Variants in FGD3 observed in about 807,000 individuals in gnomAD.
FGD3 encodes FYVE, RhoGEF and PH domain containing 3, also known as FYVE, RhoGEF and PH domain-containing protein 3.
In FGD3, 45 loss-of-function variants were observed where a neutral mutation model predicts 71.8. The ratio of observed to expected loss-of-function variants is 0.63; its 90% CI spans 0.49 to 0.80. FGD3 has a LOEUF of 0.80. FGD3 is among the 30% of genes least tolerant of loss of function. FGD3 has a pLI of 0.00. For missense variants in FGD3, 844 were observed against 951.5 expected (o/e 0.89, Z 1.49); for synonymous variants, 378 against 392.8 (o/e 0.96, Z 0.44).
intron 1 of FGD3, among the ~76,000 whole-genome samples, chr9:92,953,827 A>G (rs972103698): frequency 1.3e-5 from 2 of 152,216 alleles, no homozygotes; most frequent in Non-Finnish European, 2.9e-5. Context: ...GCAGAATTAC[A>G]CTCAGTATCC....
chr9:93,022,339 A>G lies in FGD3; in HGVS notation c.1507A>G (p.Ser503Gly). ...LSPDMPITST[S>G]PVEPVVTTEG... ...GTGTCCCTTCTAGATCACGAGCACCAGCCCTGTGGAGCCTGTGGTGACCAC... is the reference window on the plus strand; with the variant it reads ...GTGTCCCTTCTAGATCACGAGCACCGGCCCTGTGGAGCCTGTGGTGACCAC... Residue 503 changes from serine to glycine, a missense_variant, in exon 14 of 18, where the codon AGC becomes GGC. Ser to Gly is a moderately conservative substitution (Grantham distance 56). Coordinates refer to ENST00000375482, the MANE Select transcript of FGD3 (RefSeq NM_001083536.2). 1 of 1,612,084 alleles carries G rather than the reference A, an allele frequency of 6.2e-7. No homozygotes were observed. The highest frequency in any genetic ancestry group is 1.3e-5 in the African/African-American group (1 of 75,056).
chr9:92,953,403 G>A (rs999948700), intron 1 of FGD3, among the ~76,000 whole-genome samples: 30 of 152,192 alleles, frequency 2.0e-4, no homozygotes, highest in Admixed American at 7.2e-4. Context: ...ATGCCACTTG[G>A]TCTAAGAGTT....
chr9:92,956,595 C>T (rs1429218644), intron 1 of FGD3, among the ~76,000 whole-genome samples: 1 of 152,280 alleles, frequency 6.6e-6, no homozygotes, highest in East Asian at 1.9e-4. Flanking sequence ...GAAACCAACC[C>T]TGCCAACACC....
chr9:92,989,889 G>GA (rs1415483096), intron 3 of FGD3, among the ~76,000 whole-genome samples: 1 of 99,268 alleles, frequency 1.0e-5, no homozygotes, highest in Admixed American at 9.2e-5. Context: ...GGGGTCCTGT[G>GA]TTTTTTTTTT....
rs1861871651 is a variant in FGD3 at position 93,020,406 on chromosome 9, C to T, written c.1476C>T (p.Ser492=). 6.2e-7 allele frequency: 1 copy of T among 1,613,288 alleles called. No homozygotes were observed. Among genetic ancestry groups the T allele is most frequent in the Admixed American group, 1.7e-5 (1 of 59,936 alleles). The change falls in exon 13 of 18, where the codon AGC becomes AGT. Residue 492 remains serine, a synonymous_variant. Transcript: ENST00000375482. ...GGAFSQDEDP[S]LSPDMPITST... is the part of the protein sequence containing the mutation. ...CCTTCAGCCAGGATGAGGACCCCAG[C>T]CTCTCTCCAGACATGCCTGTGAGTC...
At chr9:93,011,504 A>G (rs1308726030) in intron 8 of FGD3, among the ~76,000 whole-genome samples, 3 of 152,146 alleles carry the variant, frequency 2.0e-5, no homozygotes, top group Admixed American at 6.5e-5. Flanking sequence ...TAGTTTCCCC[A>G]TCTATAAAAT....
At position 93,028,208 on chromosome 9, in the gene FGD3, ACACACACACG is replaced by A. The variant is rs1244902993; in HGVS notation, c.1558-1656_1558-1647del. On this transcript the variant is annotated intron_variant, in intron 14 of 17. Transcript: ENST00000375482. ...CAGCCCCTAGCCCCGACACACACAC[ACACACACACG>A]CACACACACACACACACACCCCAAT... Among the ~76,000 whole-genome samples, 232 of 103,396 alleles carry A rather than the reference ACACACACACG, an allele frequency of 2.2e-3. 1 individual carries two copies. The highest frequency in any genetic ancestry group is 0.01 in the African/African-American group (225 of 21,748). The allele number at this position is 103,396 out of a possible 152,430, so 67.8% of individuals were successfully genotyped here.
At chr9:92,965,192 G>A (rs1241194588) in intron 1 of FGD3, among the ~76,000 whole-genome samples, 1 of 152,220 alleles carries the variant, frequency 6.6e-6, no homozygotes, top group Non-Finnish European at 1.5e-5. Context: ...ACACAGCATG[G>A]CCACACTCAT....
intron 15 of FGD3, among the ~76,000 whole-genome samples, chr9:93,031,986 A>C (rs533065136): frequency 1.3e-5 from 2 of 152,196 alleles, no homozygotes; most frequent in East Asian, 3.9e-4. Flanking sequence ...AGGGTAGGAA[A>C]AGCTCTGGAA....
chr9:93,030,113 G>A (rs1862299956), intron 15 of FGD3, 117 bp downstream of exon 15: 1 of 1,246,000 alleles, frequency 8.0e-7, no homozygotes, highest in Non-Finnish European at 1.1e-6. Flanking sequence ...GCACGGAAGG[G>A]CTTCCTGATC....
intron 16 of FGD3, 181 bp downstream of exon 16, chr9:93,033,054 G>A: frequency 2.9e-6 from 2 of 685,174 alleles, no homozygotes; most frequent in Non-Finnish European, 5.3e-6. Flanking sequence ...TCCCGTGTGT[G>A]CACGCTGGCT....
rs1862408705 is a variant in FGD3, at chr9:93,032,847, C to T, written c.1759C>T (p.Gln587Ter). 1 of 1,614,072 alleles carries T rather than the reference C, an allele frequency of 6.2e-7. No individual in the cohort carries two copies. Reference protein sequence around the residue: ...SRVCRDCFLTQPVAPESTEKT... With the variant: ...SRVCRDCFLT Reference sequence around the variant, plus strand: ...TGTCTGCAGAGATTGTTTCCTGACACAGCCAGTGGCCCCTGAGAGCACAGA... The same window carrying T: ...TGTCTGCAGAGATTGTTTCCTGACATAGCCAGTGGCCCCTGAGAGCACAGA... The change falls in exon 16 of 18, where the codon CAG becomes TAG. Residue 587 changes from glutamine to a stop codon, truncating the protein, a stop_gained. Coordinates refer to ENST00000375482, the MANE Select transcript of FGD3 (RefSeq NM_001083536.2). LOFTEE classifies it high-confidence loss of function.
Position 93,003,093 on chromosome 9 carries a change from A to C in FGD3, c.543+79A>C, listed in dbSNP as rs1860920461. 2.2e-6 allele frequency: 3 copies of C among 1,345,606 alleles called. No homozygotes were observed. Among genetic ancestry groups the C allele is most frequent in the African/African-American group, 2.9e-5 (2 of 68,232 alleles). 83.4% of individuals were successfully genotyped at this position (1,345,606 alleles called of 1,614,324 possible). A position where few individuals can be genotyped will look rare whatever the true frequency, so the allele number is the denominator to read the frequency against. On this transcript the variant is annotated intron_variant, in intron 4 of 17. Transcript: ENST00000375482. The surrounding 1 kb of genome is among the most constrained non-coding windows in gnomAD (Gnocchi z 4.1). ...TTATAGGTGCAGTGTGAATGACTTA[A>C]ATACTAAAACTCAGACAAATTTAAG...
chr9:92,955,653 C>T (rs1024755380), intron 1 of FGD3, among the ~76,000 whole-genome samples: 1 of 152,116 alleles, frequency 6.6e-6, no homozygotes, highest in Non-Finnish European at 1.5e-5. Context: ...TATCATAGCT[C>T]GGACCTTGAC....
Position 92,969,993 on chromosome 9 carries a change from C to T in FGD3, c.-217-5245C>T, listed in dbSNP as rs139654183. ...GGCTGAGTCCACAGTGGGCACGGCTCATCTGGGTCAGCAGCTCCAGCCTTG... is the reference window on the plus strand; with the variant it reads ...GGCTGAGTCCACAGTGGGCACGGCTTATCTGGGTCAGCAGCTCCAGCCTTG... On this transcript the variant is annotated intron_variant, in intron 1 of 17. Coordinates refer to ENST00000375482, the MANE Select transcript of FGD3 (RefSeq NM_001083536.2). This position sits in a 1 kb window ranked among gnomAD's most constrained non-coding sequence, Gnocchi z 4.5. 4.1e-3 allele frequency among the ~76,000 whole-genome samples: 629 copies of T among 152,290 alleles called. 2 individuals are homozygous for T. Among genetic ancestry groups the T allele is most frequent in the African/African-American group, 0.014 (595 of 41,542 alleles).
intron 10 of FGD3, among the ~76,000 whole-genome samples, chr9:93,016,901 A>G (rs186725291): frequency 5.1e-4 from 78 of 152,330 alleles, no homozygotes; most frequent in African/African-American, 1.8e-3. Flanking sequence ...GATTACAGGC[A>G]TCAGCCACCG....
At chr9:92,971,566 C>CTTTTTTTTTTTTTTTT (rs869043960) in intron 1 of FGD3, among the ~76,000 whole-genome samples, 8 of 39,578 alleles carry the variant, frequency 2.0e-4, no homozygotes, top group Non-Finnish European at 3.7e-4. Context: ...CTTTTCTTTT[C>CTTTTTTTTTTTTTTTT]TTTTTTTTTT....
chr9:93,028,352 A>AAAT (rs1554740352), intron 14 of FGD3, among the ~76,000 whole-genome samples: 1 of 109,944 alleles, frequency 9.1e-6, no homozygotes. Flanking sequence ...AAAAAAAAAA[A>AAAT]AAGAAAGAAA....
In FGD3 at chr9:93,013,978, C is replaced by T. The variant is rs1265663134; in HGVS notation, c.1162C>T (p.Gln388Ter). ...ACTGTCAGCCAAGAACGGCACCCCC[C>T]AGGACCGCCACCTCTTCCTGGTGAG... Reference protein sequence around the residue: ...QKLSAKNGTPQDRHLFLFNSM... With the variant: ...QKLSAKNGTP The change falls in exon 9 of 18, where the codon CAG becomes TAG. Residue 388 changes from glutamine (Q) to a stop codon, truncating the protein, a stop_gained. Transcript: ENST00000375482. LOFTEE classifies it high-confidence loss of function. The T allele has an allele frequency of 1.9e-6, 3 of 1,609,092 alleles. No homozygotes were observed. Among genetic ancestry groups the T allele is most frequent in the Non-Finnish European group, 2.5e-6 (3 of 1,177,972 alleles).
Sources: allele counts gnomAD v4.1 joint callset (sites outside exome capture counted in the v4.1 genomes callset), GRCh38; gene constraint gnomAD v4.1.1; non-coding constraint Gnocchi (gnomAD v3.1); transcripts MANE v1.5; gene names NCBI Gene and HGNC (gene_info 2026-07-23, HGNC 2026-07-21).